PCDHGA5: variants seen among roughly 807,000 people sequenced by gnomAD.
PCDHGA5 encodes protocadherin gamma-A5.
Under a neutral mutation model 56.7 loss-of-function variants are expected in PCDHGA5, and 36 were observed. The ratio of observed to expected loss-of-function variants is 0.64; its 90% confidence interval spans 0.49 to 0.84. The LOEUF is 0.84. Among genes scored for constraint, PCDHGA5 ranks in the 40% least tolerant of loss-of-function variants. The pLI is 0.00. For missense variants in PCDHGA5, 1,305 were observed against 1,201.5 expected (o/e 1.09, Z -1.27); for synonymous variants, 563 against 520.2 (o/e 1.08, Z -1.12).
At chr5:141,399,822 C>G (rs755182775) in intron 1 of PCDHGA5, 6 of 1,613,084 alleles carry the variant, frequency 3.7e-6, no homozygotes, top group East Asian at 2.2e-5. Context: ...CGCTGGGTCC[C>G]GACGGCTCTG....
intron 1 of PCDHGA5, chr5:141,371,712 C>CTGCA: frequency 1.2e-6 from 2 of 1,614,078 alleles, no homozygotes; most frequent in Non-Finnish European, 1.7e-6. Context: ...GACCATCACT[C>CTGCA]TGCACATCCT....
Position 141,392,866 on chromosome 5 carries a change from C to T in PCDHGA5, c.2421+26115C>T, listed in dbSNP as rs1000509941. The stretch of plus-strand genomic sequence containing the variant: ...CGCGGCGAGCTGATCCTGCTGTGCG[C>T]GCTGCTGGGAACGCTGTGGGAAATC... On this transcript the variant is annotated intron_variant, in intron 1 of 3. Transcript: ENST00000518069. 7 of 1,612,962 alleles carry T rather than the reference C, an allele frequency of 4.3e-6. No individual in the cohort carries two copies. The highest frequency in any genetic ancestry group is 3.3e-4 in the Middle Eastern group (2 of 6,060).
At chr5:141,388,941 C>A (rs191165529) in intron 1 of PCDHGA5, 1 of 1,613,962 alleles carries the variant, frequency 6.2e-7, no homozygotes, top group South Asian at 1.1e-5. Context: ...TCTACCCAAC[C>A]TAATTATGGA....
At position 141,485,142 on chromosome 5, in the gene PCDHGA5, A is replaced by C. The variant is rs979255582; in HGVS notation, c.2422-9665A>C. 5 of 1,554,566 alleles carry C rather than the reference A, an allele frequency of 3.2e-6. No homozygotes were observed. The highest frequency in any genetic ancestry group is 3.5e-6 in the Non-Finnish European group (4 of 1,131,592). On this transcript the variant is annotated intron_variant, in intron 1 of 3. Transcript: ENST00000518069. The surrounding 1 kb of genome is among the most constrained non-coding windows in gnomAD (Gnocchi z 5.7). ...GGCGGGTCGGCTTCATCCGCGTCTC[A>C]GGAGCAAGTAGAGAATTAGCGGGCG... is the stretch of plus-strand genomic sequence containing the variant.
At position 141,463,796 on chromosome 5, in the gene PCDHGA5, G is replaced by A. The variant is rs139760353; in HGVS notation, c.2422-31011G>A. ...ATCCTGCACTGTCTTTTGAACAAAT[G>A]TCTAAAAGCTTTTATCACACATTTT... On this transcript the variant is annotated intron_variant, in intron 1 of 3. Coordinates refer to ENST00000518069, the MANE Select transcript of PCDHGA5 (RefSeq NM_018918.3). Among the ~76,000 whole-genome samples, 155 of 152,232 alleles carry A rather than the reference G, an allele frequency of 1.0e-3. 1 individual carries two copies. The highest frequency in any genetic ancestry group is 3.4e-3 in the African/African-American group (140 of 41,538).
Position 141,364,986 on chromosome 5 carries a change from A to C in PCDHGA5, c.656A>C (p.Asp219Ala), listed in dbSNP as rs1223018710. ...DLLLTALDGG[D>A]PVLSGTTHIR... is the part of the protein sequence containing the mutation. Reference sequence around the variant, plus strand: ...CTCCTCACAGCTTTAGATGGCGGAGACCCGGTACTCTCCGGCACCACGCAC... The same window carrying C: ...CTCCTCACAGCTTTAGATGGCGGAGCCCCGGTACTCTCCGGCACCACGCAC... Residue 219 changes from aspartate to alanine, a missense_variant, in exon 1 of 4, where the codon GAC becomes GCC. Asp to Ala is a moderately radical substitution (Grantham distance 126). Transcript: ENST00000518069. 6.2e-7 allele frequency: 1 copy of C among 1,613,768 alleles called. No individual in the cohort carries two copies.
At chr5:141,418,630 A>G in intron 1 of PCDHGA5, 1 of 1,614,046 alleles carries the variant, frequency 6.2e-7, no homozygotes, top group Non-Finnish European at 8.5e-7. Context: ...ACGTGCCTCC[A>G]GGCACCTCCA....
intron 1 of PCDHGA5, among the ~76,000 whole-genome samples, chr5:141,373,152 A>C (rs1769359529): frequency 6.6e-6 from 1 of 152,250 alleles, no homozygotes; most frequent in Non-Finnish European, 1.5e-5. Context: ...TGGTTTACTT[A>C]GTTTTAATGC....
At chr5:141,375,673 G>A (rs1467021613) in intron 1 of PCDHGA5, 1 of 1,614,248 alleles carries the variant, frequency 6.2e-7, no homozygotes. Flanking sequence ...ACCTACAGCT[G>A]TGGGTGACAG....
At position 141,491,744 on chromosome 5, in the gene PCDHGA5, C is replaced by T; in HGVS notation, c.2422-3063C>T. 6.3e-7 allele frequency: 1 copy of T among 1,592,720 alleles called. No individual in the cohort carries two copies. Among genetic ancestry groups the T allele is most frequent in the African/African-American group, 1.3e-5 (1 of 74,122 alleles). Reference sequence around the variant, plus strand: ...CCCCGGGCGACCCCTGGGGGCGGCACTGGAGAAGCCGCCCGTCCTCATAAG... The same window carrying T: ...CCCCGGGCGACCCCTGGGGGCGGCATTGGAGAAGCCGCCCGTCCTCATAAG... On this transcript the variant is annotated intron_variant, in intron 1 of 3. Transcript: ENST00000518069. The surrounding 1 kb of genome is among the most constrained non-coding windows in gnomAD (Gnocchi z 6.9).
intron 1 of PCDHGA5, among the ~76,000 whole-genome samples, chr5:141,439,104 A>G (rs924055175): frequency 6.6e-6 from 1 of 151,676 alleles, no homozygotes; most frequent in African/African-American, 2.4e-5. Flanking sequence ...GAGGCAAGAG[A>G]ATCACTTGAA....
At chr5:141,415,804 A>C in intron 1 of PCDHGA5, 1 of 1,366,960 alleles carries the variant, frequency 7.3e-7, no homozygotes, top group Non-Finnish European at 9.4e-7. Flanking sequence ...AGTCTCAATC[A>C]AGGCCTATAT....
intron 1 of PCDHGA5, chr5:141,384,799 G>T (rs1342288929): frequency 6.2e-7 from 1 of 1,613,476 alleles, no homozygotes; most frequent in South Asian, 1.1e-5. Flanking sequence ...GGCCCTGCTG[G>T]ACAGAGATGC....
intron 1 of PCDHGA5, among the ~76,000 whole-genome samples, chr5:141,437,034 C>T (rs1282216386): frequency 1.3e-5 from 2 of 152,194 alleles, no homozygotes. Context: ...AAATGGATCA[C>T]CGAAACCAGA....
chr5:141,421,402 G>A (rs2096569907), intron 1 of PCDHGA5: 1 of 1,614,076 alleles, frequency 6.2e-7, no homozygotes, highest in Non-Finnish European at 8.5e-7. Context: ...GGAGCCCCGG[G>A]AGCTGGCGAA....
In PCDHGA5 at chr5:141,366,703, T is replaced by C; in HGVS notation, c.2373T>C (p.Leu791=). ...AGAGCTGTGAGAAAAGCGAGCCTCT[T>C]CTGATGTCTGATAAGGTAGATGCAA... ...SEESCEKSEP[L]LMSDKVDANK... is the part of the protein sequence containing the mutation. The change falls in exon 1 of 4, where the codon CTT becomes CTC. Residue 791 remains leucine, a synonymous_variant. Coordinates refer to ENST00000518069, the MANE Select transcript of PCDHGA5 (RefSeq NM_018918.3). The C allele has an allele frequency of 3.1e-6, 5 of 1,614,226 alleles. No homozygotes were observed. The highest frequency in any genetic ancestry group is 3.4e-6 in the Non-Finnish European group (4 of 1,180,026).
intron 1 of PCDHGA5, among the ~76,000 whole-genome samples, chr5:141,468,830 C>T (rs561511870): frequency 2.0e-5 from 3 of 152,170 alleles, no homozygotes; most frequent in East Asian, 1.9e-4. Flanking sequence ...CAAGCCACTG[C>T]ACTCCAGCCT....
intron 1 of PCDHGA5, chr5:141,400,466 C>T: frequency 6.2e-7 from 1 of 1,614,024 alleles, no homozygotes; most frequent in Non-Finnish European, 8.5e-7. Context: ...TGTGGTGATT[C>T]ATCTGGGGCC....
chr5:141,471,214 A>C (rs757487718), intron 1 of PCDHGA5: 2 of 149,606 alleles, frequency 1.3e-5, no homozygotes, highest in Non-Finnish European at 3.0e-5. Context: ...CATGCCTGGC[A>C]ATTTTTTTGT....
Sources: gnomAD v4.1 joint callset for allele counts (sites outside exome capture counted in the v4.1 genomes callset) on GRCh38, gnomAD v4.1.1 for gene constraint, Gnocchi (gnomAD v3.1) non-coding constraint, MANE v1.5 for transcripts, NCBI Gene and HGNC (gene_info 2026-07-23, HGNC 2026-07-21) for gene names.